The following HAO1 variants were observed in gnomAD, a reference collection of about 807,000 sequenced individuals.
HAO1 encodes hydroxyacid oxidase 1.
In HAO1, 34 loss-of-function variants were observed where a neutral mutation model predicts 39.7. The observed-to-expected ratio is 0.86, with a 90% CI of 0.65 to 1.14. HAO1 has a LOEUF of 1.14. Ranked by LOEUF, HAO1 falls within the 50% of genes most tolerant of loss-of-function variation. The pLI is 0.00. For synonymous variants in HAO1, 172 were observed against 173.2 expected (o/e 0.99, Z 0.05); for missense variants, 479 against 464.5 (o/e 1.03, Z -0.29).
chr20:7,931,577 A>G (rs1446534132), intron 2 of HAO1, among the ~76,000 whole-genome samples: 1 of 151,864 alleles, frequency 6.6e-6, no homozygotes, highest in Non-Finnish European at 1.5e-5. Flanking sequence ...CTTCAATGCT[A>G]TAATACTCGT....
At chr20:7,920,619 T>A (rs2050326707) in intron 2 of HAO1, among the ~76,000 whole-genome samples, 1 of 152,164 alleles carries the variant, frequency 6.6e-6, no homozygotes, top group Non-Finnish European at 1.5e-5. Flanking sequence ...CACCTTTTTA[T>A]GATCTGTTTC....
chr20:7,892,767 GA>G (rs1170697830), intron 5 of HAO1, among the ~76,000 whole-genome samples: 1 of 152,046 alleles, frequency 6.6e-6, no homozygotes, highest in Non-Finnish European at 1.5e-5. Context: ...TAGATAGGTA[GA>G]TAGATAGTAA....
Position 7,885,797 on chromosome 20 carries a change from A to C in HAO1, c.881T>G (p.Val294Gly). ...GKVEVFLDGG[V>G]RKGTDVLKAL... is the part of the protein sequence containing the mutation. Reference sequence around the variant, plus strand: ...TTTCAGAACATCAGTGCCTTTCCGCACACCCCCGTCCAGGAAGACTTCCAC... The same window carrying C: ...TTTCAGAACATCAGTGCCTTTCCGCCCACCCCCGTCCAGGAAGACTTCCAC... The change falls in exon 6 of 8, where the codon GTG (valine) becomes GGG (glycine). Residue 294 changes from valine (V) to glycine (G), a missense_variant. Val to Gly is a moderately radical substitution (Grantham distance 109). Coordinates refer to ENST00000378789, the MANE Select transcript of HAO1 (RefSeq NM_017545.3). 1 of 1,613,448 alleles carries C rather than the reference A, an allele frequency of 6.2e-7. No homozygotes were observed. The highest frequency in any genetic ancestry group is 8.5e-7 in the Non-Finnish European group (1 of 1,179,454).
intron 3 of HAO1, among the ~76,000 whole-genome samples, chr20:7,909,379 G>GTATATATATATATATATATATATATA (rs869068490): frequency 1.8e-5 from 2 of 108,218 alleles, no homozygotes; most frequent in African/African-American, 8.8e-5. Flanking sequence ...ATATATATAT[G>GTATATATATATATATATATATATATA]TATATATATA....
chr20:7,931,228 C>G (rs1293089852), intron 2 of HAO1, among the ~76,000 whole-genome samples: 1 of 152,062 alleles, frequency 6.6e-6, no homozygotes, highest in Non-Finnish European at 1.5e-5. Context: ...GATGTCACCA[C>G]CCTCTCTTTG....
intron 2 of HAO1, among the ~76,000 whole-genome samples, chr20:7,921,907 A>G (rs907164020): frequency 1.3e-5 from 2 of 152,110 alleles, no homozygotes; most frequent in African/African-American, 4.8e-5. Context: ...TGAATATTGG[A>G]TACACATGGT....
chr20:7,937,157 A>C (rs1333704196), intron 1 of HAO1, among the ~76,000 whole-genome samples: 1 of 152,130 alleles, frequency 6.6e-6, no homozygotes, highest in Non-Finnish European at 1.5e-5. Context: ...AGGGGCCTCA[A>C]ATTTAACTTA....
chr20:7,929,059 T>TTTTG (rs10543894), intron 2 of HAO1, among the ~76,000 whole-genome samples: 3,151 of 150,788 alleles, frequency 0.021, 37 homozygotes, highest in African/African-American at 0.031. Context: ...TTGCACTGTT[T>TTTTG]TTTGTTTGTT....
chr20:7,917,626 G>T (rs116899421), intron 2 of HAO1, among the ~76,000 whole-genome samples: 4,018 of 152,238 alleles, frequency 0.026, 60 homozygotes, highest in Non-Finnish European at 0.039. Context: ...AAGGTCCTCC[G>T]TACACTGGAG....
chr20:7,888,424 T>C (rs187122547), intron 5 of HAO1, among the ~76,000 whole-genome samples: 205 of 152,296 alleles, frequency 1.3e-3, no homozygotes, highest in African/African-American at 4.7e-3. Flanking sequence ...TCGGTTGTTA[T>C]ACTCTTGATT....
intron 2 of HAO1, among the ~76,000 whole-genome samples, chr20:7,921,796 C>T (rs1288281651): frequency 6.6e-6 from 1 of 152,088 alleles, no homozygotes; most frequent in Non-Finnish European, 1.5e-5. Context: ...AAAATAATGT[C>T]CTTTGCACCA....
chr20:7,934,674 G>C, intron 1 of HAO1, 39 bp from the exon 2 acceptor site: 1 of 1,330,326 alleles, frequency 7.5e-7, no homozygotes, highest in Non-Finnish European at 1.0e-6. Flanking sequence ...AGGCTTTAGA[G>C]TTTCAGAATC....
intron 1 of HAO1, 40 bp downstream of exon 1, chr20:7,940,246 G>A: frequency 6.6e-7 from 1 of 1,514,412 alleles, no homozygotes; most frequent in South Asian, 1.2e-5. Context: ...CGGTCTTTGT[G>A]TAATTTTAAA....
chr20:7,927,747 A>T (rs930575134), intron 2 of HAO1, among the ~76,000 whole-genome samples: 1 of 152,194 alleles, frequency 6.6e-6, no homozygotes, highest in Non-Finnish European at 1.5e-5. Context: ...AAAACATAGG[A>T]TGTTTGCAAT....
intron 2 of HAO1, among the ~76,000 whole-genome samples, chr20:7,925,199 A>G (rs1386637563): frequency 6.6e-6 from 1 of 152,222 alleles, no homozygotes; most frequent in Non-Finnish European, 1.5e-5. Context: ...CTTCAACTAC[A>G]ATTATGCTTG....
chr20:7,898,169 A>G (rs950840291), intron 4 of HAO1, among the ~76,000 whole-genome samples: 2 of 152,286 alleles, frequency 1.3e-5, no homozygotes, highest in East Asian at 1.9e-4. Flanking sequence ...GCTGGCAGGC[A>G]TAACAGCTTC....
At chr20:7,936,333 G>C (rs2050409861) in intron 1 of HAO1, among the ~76,000 whole-genome samples, 1 of 152,132 alleles carries the variant, frequency 6.6e-6, no homozygotes, top group Non-Finnish European at 1.5e-5. Context: ...CAGAAGCCTT[G>C]AAGAGAGTTT....
intron 4 of HAO1, among the ~76,000 whole-genome samples, chr20:7,903,582 G>T (rs1600110038): frequency 1.3e-5 from 2 of 151,210 alleles, no homozygotes; most frequent in East Asian, 4.0e-4. Context: ...GATGGTGGTT[G>T]TGGTTATGGC....
chr20:7,920,775 C>T (rs1053500964), intron 2 of HAO1, among the ~76,000 whole-genome samples: 7 of 152,110 alleles, frequency 4.6e-5, no homozygotes, highest in African/African-American at 1.7e-4. Flanking sequence ...ATTCATCTGT[C>T]AATGGATACT....
Sources: gnomAD v4.1 joint callset for allele counts (sites outside exome capture counted in the v4.1 genomes callset) on GRCh38, gnomAD v4.1.1 for gene constraint, MANE v1.5 for transcripts, NCBI Gene and HGNC (gene_info 2026-07-23, HGNC 2026-07-21) for gene names.